Variants in ANKFN1 observed in about 807,000 individuals in gnomAD.
ANKFN1 encodes the protein ankyrin repeat and fibronectin type-III domain-containing protein 1.
ANKFN1 carries 74 observed loss-of-function variants against 108.7 expected under a neutral mutation model. The observed-to-expected ratio is 0.68, with a 90% confidence interval of 0.56 to 0.83. ANKFN1 has a LOEUF of 0.83. Among genes scored for constraint, ANKFN1 ranks in the 40% least tolerant of loss-of-function variants. ANKFN1 has a pLI of 0.00. For synonymous variants in ANKFN1, 547 were observed against 516.2 expected (o/e 1.06, Z -0.81); for missense variants, 1,505 against 1,382.3 (o/e 1.09, Z -1.41).
chr17:56,265,148 A>G (rs2043615882), intron 3 of ANKFN1, among the ~76,000 whole-genome samples: 1 of 152,154 alleles, frequency 6.6e-6, no homozygotes, highest in Non-Finnish European at 1.5e-5. Context: ...TCTGAGAACA[A>G]TCTCAAGATT....
chr17:56,353,465 C>T (rs1055855024), intron 5 of ANKFN1, among the ~76,000 whole-genome samples: 6 of 152,128 alleles, frequency 3.9e-5, no homozygotes, highest in South Asian at 2.1e-4. Flanking sequence ...TCAAACTCCT[C>T]GCCTCAAGTG....
intron 16 of ANKFN1, among the ~76,000 whole-genome samples, chr17:56,478,418 C>T (rs1432344403): frequency 3.3e-5 from 5 of 152,138 alleles, no homozygotes; most frequent in Non-Finnish European, 7.3e-5. Flanking sequence ...TAAAAAATCT[C>T]CTCACCCTCA....
chr17:56,110,014 G>T (rs1460983607), intron 4 of ANKFN1, among the ~76,000 whole-genome samples: 1 of 152,186 alleles, frequency 6.6e-6, no homozygotes, highest in Non-Finnish European at 1.5e-5. Flanking sequence ...TTTATTAAAG[G>T]CCAGGAGAGG....
rs866935032 is a variant in ANKFN1, at chr17:56,457,927, C to G, written c.1505C>G (p.Ser502Cys). The G allele has an allele frequency of 1.5e-5, 24 of 1,614,112 alleles. No individual in the cohort carries two copies. The Middle Eastern group carries it at 3.6e-3, about 245-fold the overall frequency. The change falls in exon 14 of 21, where the codon TCC becomes TGC. Residue 502 changes from serine to cysteine, a missense_variant. Ser to Cys is a moderately radical substitution (Grantham distance 112). Transcript: ENST00000682825. The part of the protein sequence containing the change: ...RQSIPISSSS[S>C]TVLQTRQKML... Reference sequence around the variant, plus strand: ...AGCATACCAATATCCTCATCCTCATCCACAGTGCTGCAAACTCGGCAGAAG... The same window carrying G: ...AGCATACCAATATCCTCATCCTCATGCACAGTGCTGCAAACTCGGCAGAAG...
At chr17:56,319,332 G>A (rs1370765404) in intron 3 of ANKFN1, among the ~76,000 whole-genome samples, 17 of 152,128 alleles carry the variant, frequency 1.1e-4, no homozygotes, top group Non-Finnish European at 7.3e-5. Context: ...ACAAACATTG[G>A]TTTATGAGTT....
At chr17:56,361,843 T>C (rs2046528538) in intron 6 of ANKFN1, among the ~76,000 whole-genome samples, 1 of 152,158 alleles carries the variant, frequency 6.6e-6, no homozygotes, top group South Asian at 2.1e-4. Context: ...ATATGGCTAC[T>C]CTATGACATG....
intron 3 of ANKFN1, among the ~76,000 whole-genome samples, chr17:56,288,237 A>G (rs531013389): frequency 1.3e-5 from 2 of 152,178 alleles, no homozygotes; most frequent in Non-Finnish European, 2.9e-5. Flanking sequence ...GAAAACTGTT[A>G]TTAGTTTCCT....
intron 2 of ANKFN1, among the ~76,000 whole-genome samples, chr17:56,226,001 C>T (rs942008634): frequency 2.0e-5 from 3 of 152,194 alleles, no homozygotes; most frequent in African/African-American, 7.2e-5. Flanking sequence ...GCAGTAAAAA[C>T]TTTTCTCAGT....
intron 8 of ANKFN1, among the ~76,000 whole-genome samples, chr17:56,414,640 A>T (rs958877152): frequency 6.6e-6 from 1 of 152,236 alleles, no homozygotes; most frequent in East Asian, 1.9e-4. Context: ...AATATATCAT[A>T]TAATCAGAAT....
chr17:56,480,992 A>C (rs936556187), intron 17 of ANKFN1, among the ~76,000 whole-genome samples, 174 bp downstream of exon 17: 1 of 150,376 alleles, frequency 6.6e-6, no homozygotes, highest in Non-Finnish European at 1.5e-5. Flanking sequence ...ACAGGTAGAC[A>C]CAGCCTGCGC....
At chr17:56,290,815 A>G (rs1281797958) in intron 3 of ANKFN1, among the ~76,000 whole-genome samples, 2 of 152,160 alleles carry the variant, frequency 1.3e-5, no homozygotes, top group Non-Finnish European at 2.9e-5. Flanking sequence ...GATGTTTGAA[A>G]GAATATCTGA....
At chr17:56,482,658 G>C in intron 18 of ANKFN1, 134 bp downstream of exon 18, 1 of 1,101,466 alleles carries the variant, frequency 9.1e-7, no homozygotes, top group South Asian at 1.8e-5. Context: ...ACCCTTCCTA[G>C]AACTGTGTAC....
At chr17:56,129,995 A>G (rs746377665) in intron 4 of ANKFN1, among the ~76,000 whole-genome samples, 8 of 152,266 alleles carry the variant, frequency 5.3e-5, no homozygotes, top group Admixed American at 3.9e-4. Flanking sequence ...TGCAGGTAAC[A>G]TACTAGCAGT....
intron 8 of ANKFN1, among the ~76,000 whole-genome samples, chr17:56,386,867 T>C (rs1319997434): frequency 2.0e-5 from 3 of 152,052 alleles, no homozygotes; most frequent in Admixed American, 1.3e-4. Context: ...TAGTAAGAAG[T>C]GTTTTTGTTT....
intron 4 of ANKFN1, among the ~76,000 whole-genome samples, chr17:56,058,285 A>G (rs1904915087): frequency 1.3e-5 from 2 of 152,194 alleles, no homozygotes. Context: ...AGGCTGTTTC[A>G]TCTGCATGGA....
At chr17:56,293,296 C>A (rs909171395) in intron 3 of ANKFN1, among the ~76,000 whole-genome samples, 19 of 152,182 alleles carry the variant, frequency 1.2e-4, no homozygotes, top group African/African-American at 4.6e-4. Flanking sequence ...ACATATTTAT[C>A]CTAATCTTCT....
intron 4 of ANKFN1, among the ~76,000 whole-genome samples, chr17:56,046,766 C>G (rs1276882705): frequency 6.6e-6 from 1 of 152,176 alleles, no homozygotes; most frequent in African/African-American, 2.4e-5. Context: ...ACTTTTGTAT[C>G]TCTGGTTCTC....
intron 3 of ANKFN1, among the ~76,000 whole-genome samples, chr17:56,266,870 G>A (rs1374496914): frequency 6.6e-6 from 1 of 152,162 alleles, no homozygotes; most frequent in Non-Finnish European, 1.5e-5. Context: ...AAACTCAAGA[G>A]TGTTTAGAGG....
At chr17:56,420,100 C>T (rs775461320) in intron 8 of ANKFN1, among the ~76,000 whole-genome samples, 1 of 152,138 alleles carries the variant, frequency 6.6e-6, no homozygotes, top group Admixed American at 6.5e-5. Flanking sequence ...CATTGCACCA[C>T]GTTATTCCCT....
Sources: gnomAD v4.1 joint callset for allele counts (sites outside exome capture counted in the v4.1 genomes callset) on GRCh38, gnomAD v4.1.1 for gene constraint, MANE v1.5 for transcripts, NCBI Gene and HGNC (gene_info 2026-07-23, HGNC 2026-07-21) for gene names.